DAAM1: variants seen among roughly 807,000 people sequenced by gnomAD.
The protein encoded by DAAM1 is disheveled-associated activator of morphogenesis 1.
DAAM1 carries 52 observed loss-of-function variants against 130.0 expected under a neutral mutation model. The observed-to-expected ratio is 0.40, with a 90% confidence interval of 0.32 to 0.50. The LOEUF (loss-of-function observed/expected upper bound fraction) is 0.50, where lower values mean the gene tolerates loss of function less well. Ranked by LOEUF, DAAM1 falls within the 20% of genes least tolerant of loss-of-function variation. The pLI is 0.61. For missense variants in DAAM1, 1,134 were observed against 1,303.8 expected (o/e 0.87, Z 2.01); for synonymous variants, 452 against 444.5 (o/e 1.02, Z -0.21).
intron 2 of DAAM1, among the ~76,000 whole-genome samples, chr14:59,281,437 T>G (rs1389083772): frequency 2.0e-5 from 3 of 152,152 alleles, no homozygotes; most frequent in Admixed American, 6.6e-5. Context: ...TTCACTTGCC[T>G]TGTATCAGAC....
chr14:59,325,799 G>A, intron 9 of DAAM1, 69 bp downstream of exon 9: 4 of 1,582,596 alleles, frequency 2.5e-6, no homozygotes, highest in South Asian at 2.2e-5. Context: ...AATGTGTGTT[G>A]TAGAGTCCAC....
intron 1 of DAAM1, among the ~76,000 whole-genome samples, chr14:59,258,263 G>A (rs1181272617): frequency 2.0e-5 from 3 of 152,142 alleles, no homozygotes; most frequent in Non-Finnish European, 2.9e-5. Flanking sequence ...GGGCTTCTCC[G>A]CATAAACATC....
At chr14:59,366,291 ATT>A (rs1419571678) in intron 23 of DAAM1, among the ~76,000 whole-genome samples, 2 of 152,196 alleles carry the variant, frequency 1.3e-5, no homozygotes, top group Non-Finnish European at 2.9e-5. Context: ...TTGGAATAAA[ATT>A]GTATTCTCAG....
rs1886134480 is a variant in DAAM1, at chr14:59,347,628, G to A, written c.2160+5G>A. 2 of 1,613,352 alleles carry A rather than the reference G, an allele frequency of 1.2e-6. No individual in the cohort carries two copies. Among genetic ancestry groups the A allele is most frequent in the Non-Finnish European group, 1.7e-6 (2 of 1,179,510 alleles). On this transcript the variant is annotated splice_donor_5th_base_variant and intron_variant, in intron 17 of 24. Transcript: ENST00000360909. ...CCCAAGGACATGTTGGAACAGGTGA[G>A]CTACCAGATGTATCTGAGAGCAGAA... is the stretch of plus-strand genomic sequence containing the variant.
At chr14:59,303,350 T>C (rs1191422117) in intron 3 of DAAM1, among the ~76,000 whole-genome samples, 1 of 152,180 alleles carries the variant, frequency 6.6e-6, no homozygotes, top group African/African-American at 2.4e-5. Context: ...AATTCATAAG[T>C]AGCTATTCAT....
Position 59,289,800 on chromosome 14 carries a change from A to G in DAAM1, c.184-1417A>G, listed in dbSNP as rs1212366157. Among the ~76,000 whole-genome samples the G allele has an allele frequency of 2.7e-5, 4 of 145,616 alleles. 1 individual carries two copies. The highest frequency in any genetic ancestry group is 4.3e-4 in the South Asian group (2 of 4,672). ...TATATATATAATGGAATGCTATGCA[A>G]TCATAAAAGGAACAAGATCATGTCC... On this transcript the variant is annotated intron_variant, in intron 2 of 24. Coordinates refer to ENST00000360909, the MANE Select transcript of DAAM1 (RefSeq NM_001270520.2).
At chr14:59,290,105 G>T (rs559930187) in intron 2 of DAAM1, among the ~76,000 whole-genome samples, 1 of 151,870 alleles carries the variant, frequency 6.6e-6, no homozygotes, top group South Asian at 2.1e-4. Context: ...TAACAAACCT[G>T]CACATGTACC....
chr14:59,328,413 C>CTA (rs1261640144), intron 12 of DAAM1, among the ~76,000 whole-genome samples: 1 of 152,214 alleles, frequency 6.6e-6, no homozygotes, highest in African/African-American at 2.4e-5. Flanking sequence ...GGAATACACT[C>CTA]TAGAGCATGG....
At chr14:59,305,976 G>T (rs942845539) in intron 3 of DAAM1, among the ~76,000 whole-genome samples, 1 of 152,164 alleles carries the variant, frequency 6.6e-6, no homozygotes, top group Non-Finnish European at 1.5e-5. Flanking sequence ...TTTCCCAGGG[G>T]AGTTCAGGAA....
At chr14:59,191,680 T>C (rs1466134210) in intron 1 of DAAM1, among the ~76,000 whole-genome samples, 2 of 152,206 alleles carry the variant, frequency 1.3e-5, no homozygotes, top group Admixed American at 6.5e-5. Flanking sequence ...GTAGTTACAA[T>C]TTCTTATTAC....
intron 15 of DAAM1, among the ~76,000 whole-genome samples, chr14:59,333,712 G>A (rs761488056): frequency 5.9e-5 from 9 of 152,242 alleles, no homozygotes; most frequent in Non-Finnish European, 8.8e-5. Flanking sequence ...AAAAGCAGCA[G>A]TTGTTCCAAA....
chr14:59,263,690 G>C (rs1167136228), intron 2 of DAAM1, 30 bp downstream of exon 2: 21 of 1,603,448 alleles, frequency 1.3e-5, no homozygotes, highest in Non-Finnish European at 1.6e-5. Flanking sequence ...CCTGGCATTG[G>C]TGGGGAGCCA....
rs1375535856 is a variant in DAAM1, at chr14:59,369,938, G to A, written c.*1079G>A. The A allele has an allele frequency of 6.6e-6, 1 of 151,746 alleles. No homozygotes were observed. Among genetic ancestry groups the A allele is most frequent in the Non-Finnish European group, 1.5e-5 (1 of 67,906 alleles). The allele number at this position is 151,746 out of a possible 1,614,324, so 9.4% of individuals were successfully genotyped here. ...CTATTTATCTCTAAGTATATTTGAA[G>A]TGATTGCTGTTTATATGTTGTCATT... On this transcript the variant is annotated 3_prime_UTR_variant, in exon 25 of 25. Transcript: ENST00000360909.
intron 2 of DAAM1, among the ~76,000 whole-genome samples, chr14:59,277,072 G>C (rs570677560): frequency 1.3e-5 from 2 of 152,216 alleles, no homozygotes; most frequent in African/African-American, 4.8e-5. Context: ...TATTGATTAG[G>C]TAGATTTTCA....
chr14:59,212,166 G>A (rs963996354), intron 1 of DAAM1, among the ~76,000 whole-genome samples: 5 of 152,112 alleles, frequency 3.3e-5, no homozygotes, highest in African/African-American at 4.8e-5. Context: ...CTATTGGCTT[G>A]CATTTACTGA....
intron 15 of DAAM1, among the ~76,000 whole-genome samples, chr14:59,336,237 T>C (rs1024406893): frequency 2.6e-5 from 4 of 152,208 alleles, no homozygotes; most frequent in African/African-American, 9.6e-5. Flanking sequence ...TATCCCATTG[T>C]GGAATTCAAT....
chr14:59,348,688 G>T lies in DAAM1; in HGVS notation c.2160+1065G>T, dbSNP rs138125049. Reference sequence around the variant, plus strand: ...CAAGAGCAGAGAATAAGGGTATTTTGTGTTGTTAACAGTAATCCTGAGTGG... The same window carrying T: ...CAAGAGCAGAGAATAAGGGTATTTTTTGTTGTTAACAGTAATCCTGAGTGG... On this transcript the variant is annotated intron_variant, in intron 17 of 24. Coordinates refer to ENST00000360909, the MANE Select transcript of DAAM1 (RefSeq NM_001270520.2). Among the ~76,000 whole-genome samples the T allele has an allele frequency of 3.4e-3, 517 of 152,330 alleles. 5 individuals carry two copies. Among genetic ancestry groups the T allele is most frequent in the African/African-American group, 0.012 (488 of 41,566 alleles).
chr14:59,277,901 G>C (rs1459329732), intron 2 of DAAM1, among the ~76,000 whole-genome samples: 1 of 152,090 alleles, frequency 6.6e-6, no homozygotes, highest in Non-Finnish European at 1.5e-5. Flanking sequence ...ACCAGCAGGG[G>C]ATATGGCCCA....
Position 59,369,602 on chromosome 14 carries a change from A to AAAC in DAAM1, c.*745_*747dup, listed in dbSNP as rs978894840. The AAAC allele has an allele frequency of 6.8e-6, 1 of 148,098 alleles. No homozygotes were observed. The highest frequency in any genetic ancestry group is 1.5e-5 in the Non-Finnish European group (1 of 66,572). 9.2% of individuals were successfully genotyped at this position (148,098 alleles called of 1,614,324 possible). On this transcript the variant is annotated 3_prime_UTR_variant, in exon 25 of 25. Coordinates refer to ENST00000360909, the MANE Select transcript of DAAM1 (RefSeq NM_001270520.2). ...ATAATTTCTTCAGATTTTTGGAAAA[A>AAAC]AACACTATATAAATGCAATCCATGC...
Sources: allele counts gnomAD v4.1 joint callset (sites outside exome capture counted in the v4.1 genomes callset), GRCh38; gene constraint gnomAD v4.1.1; transcripts MANE v1.5; gene names NCBI Gene and HGNC (gene_info 2026-07-23, HGNC 2026-07-21).